MAGI1: variants seen among roughly 807,000 people sequenced by gnomAD.
MAGI1 encodes the protein membrane-associated guanylate kinase, WW and PDZ domain-containing protein 1.
Under a neutral mutation model 139.9 loss-of-function variants are expected in MAGI1, and 58 were observed. That is an observed-to-expected ratio of 0.41 (90% CI 0.34 to 0.52). The LOEUF (loss-of-function observed/expected upper bound fraction) is 0.52. Among genes scored for constraint, MAGI1 ranks in the 20% least tolerant of loss-of-function variants. MAGI1 has a pLI of 0.12. For synonymous variants in MAGI1, 812 were observed against 737.9 expected, an observed-to-expected ratio of 1.10 and a Z score of -1.63; for missense variants, 1,874 against 1,901.6, an observed-to-expected ratio of 0.99 and a Z score of 0.27.
rs369025885 is a variant in MAGI1 at position 65,848,928 on chromosome 3, G to T, written c.313+189068C>A. On this transcript the variant is annotated intron_variant, in intron 1 of 22. Transcript: ENST00000402939. ...CCATGTGATTGGTTCTAGCCAGTGA[G>T]TTGTATGCAAAATGAAGCAAATCAC... Among the ~76,000 whole-genome samples, 51 of 141,730 alleles carry T rather than the reference G, an allele frequency of 3.6e-4. No individual in the cohort carries two copies. In the South Asian group the frequency reaches 0.012, roughly 34 times the overall value. 93.0% of individuals were successfully genotyped at this position (141,730 alleles called of 152,430 possible). A position where few individuals can be genotyped will look rare whatever the true frequency, so the allele number is the denominator to read the frequency against.
intron 2 of MAGI1, among the ~76,000 whole-genome samples, chr3:65,551,595 C>T (rs572893421): frequency 3.9e-5 from 6 of 152,324 alleles, no homozygotes; most frequent in Non-Finnish European, 5.9e-5. Flanking sequence ...CCACCACGCC[C>T]GGCCCACTTT....
chr3:65,660,862 G>A (rs755881149), intron 1 of MAGI1, among the ~76,000 whole-genome samples: 2 of 152,080 alleles, frequency 1.3e-5, no homozygotes, highest in Non-Finnish European at 2.9e-5. Flanking sequence ...TAATGCCAAA[G>A]GACCAATTAT....
At chr3:66,026,739 G>A (rs190087224) in intron 1 of MAGI1, among the ~76,000 whole-genome samples, 42 of 151,964 alleles carry the variant, frequency 2.8e-4, no homozygotes, top group African/African-American at 9.2e-4. Context: ...AGGAGATGGC[G>A]GCAATTAAGC....
chr3:66,038,012 G>A lies in MAGI1; in HGVS notation c.297C>T (p.Phe99=). Residue 99 remains phenylalanine, a synonymous_variant, in exon 1 of 23, where the codon TTC becomes TTT. Transcript: ENST00000402939. ...CTGCCTTACCTTGTCTGACGGCCTT[G>A]AAGGTGACGGCCTCCTTGCAGCTGT... The part of the protein sequence containing the change: ...VIDSCKEAVT[F]KAVRQGGRLN... 6.3e-7 allele frequency: 1 copy of A among 1,591,988 alleles called. No individual in the cohort carries two copies.
intron 1 of MAGI1, among the ~76,000 whole-genome samples, chr3:65,827,479 G>T (rs950932519): frequency 6.6e-6 from 1 of 152,162 alleles, no homozygotes; most frequent in Non-Finnish European, 1.5e-5. Flanking sequence ...TTAGCAAAAT[G>T]ACATAATGCC....
chr3:65,866,922 G>C (rs6445511), intron 1 of MAGI1, among the ~76,000 whole-genome samples: 24,438 of 152,142 alleles, frequency 0.16, 2,503 homozygotes, highest in East Asian at 0.34. Context: ...TCAATCAGCT[G>C]GACTGCTGCT....
intron 1 of MAGI1, among the ~76,000 whole-genome samples, chr3:65,630,713 G>C (rs988761761): frequency 6.6e-6 from 1 of 152,186 alleles, no homozygotes; most frequent in African/African-American, 2.4e-5. Flanking sequence ...TGTAGGAGGG[G>C]AGATTGAGAG....
At chr3:65,637,581 A>C (rs1224154456) in intron 1 of MAGI1, among the ~76,000 whole-genome samples, 1 of 150,810 alleles carries the variant, frequency 6.6e-6, no homozygotes. Context: ...AGAAAGAAAG[A>C]AAGAAAGAAA....
intron 1 of MAGI1, among the ~76,000 whole-genome samples, chr3:65,667,658 A>C (rs1475786705): frequency 6.6e-6 from 1 of 152,050 alleles, no homozygotes; most frequent in Non-Finnish European, 1.5e-5. Flanking sequence ...TGCAGCCTCA[A>C]CCTCCTGGGC....
chr3:65,527,655 G>A (rs1162307829), intron 2 of MAGI1, among the ~76,000 whole-genome samples: 3 of 152,166 alleles, frequency 2.0e-5, no homozygotes, highest in Non-Finnish European at 4.4e-5. Context: ...AACCCGGGGG[G>A]CAGAGCTTGC....
chr3:65,593,126 G>T (rs1452406880), intron 2 of MAGI1, among the ~76,000 whole-genome samples: 1 of 151,886 alleles, frequency 6.6e-6, no homozygotes, highest in East Asian at 2.0e-4. Flanking sequence ...TCCATAAACT[G>T]GAGTGTTAAG....
intron 1 of MAGI1, among the ~76,000 whole-genome samples, chr3:65,831,019 C>G (rs1476523789): frequency 1.8e-5 from 2 of 113,660 alleles, no homozygotes; most frequent in Non-Finnish European, 4.1e-5. Context: ...CCTCTCTGAG[C>G]TCCAATTGCT....
intron 1 of MAGI1, chr3:65,925,338 A>C (rs1246054986): frequency 6.6e-6 from 1 of 151,930 alleles, no homozygotes; most frequent in African/African-American, 2.4e-5. Flanking sequence ...TTTTTGTATT[A>C]CTTATACACA....
At chr3:65,396,419 C>G (rs1170765549) in intron 13 of MAGI1, among the ~76,000 whole-genome samples, 1 of 152,150 alleles carries the variant, frequency 6.6e-6, no homozygotes, top group African/African-American at 2.4e-5. Context: ...CTGTACCAAC[C>G]TCTCTGAAAT....
intron 1 of MAGI1, among the ~76,000 whole-genome samples, chr3:65,965,986 T>C (rs1430415): frequency 0.48 from 72,712 of 152,050 alleles, 18,398 homozygotes; most frequent in Admixed American, 0.61. Flanking sequence ...TTACTATGGG[T>C]TACTTCTCAG....
intron 1 of MAGI1, among the ~76,000 whole-genome samples, chr3:65,695,831 C>A (rs1424927842): frequency 6.6e-6 from 1 of 152,168 alleles, no homozygotes. Flanking sequence ...TGGGAAAGGC[C>A]TCTGTGGTTG....
At chr3:65,498,963 C>T (rs1369968034) in intron 2 of MAGI1, 1 of 977,772 alleles carries the variant, frequency 1.0e-6, no homozygotes, top group East Asian at 1.1e-4. Context: ...ACATCCAGTA[C>T]CATGTCCCAA....
chr3:65,613,180 C>T (rs1016514377), intron 2 of MAGI1, among the ~76,000 whole-genome samples: 5 of 152,032 alleles, frequency 3.3e-5, no homozygotes, highest in Non-Finnish European at 5.9e-5. Flanking sequence ...CTGGAGATGC[C>T]ACTACCTAAG....
intron 14 of MAGI1, among the ~76,000 whole-genome samples, chr3:65,390,057 T>C (rs1487491868): frequency 6.6e-6 from 1 of 152,140 alleles, no homozygotes. Context: ...ACTTTCAGCA[T>C]GCACCTCGGC....
Sources: gnomAD v4.1 joint callset for allele counts (sites outside exome capture counted in the v4.1 genomes callset) on GRCh38, gnomAD v4.1.1 for gene constraint, MANE v1.5 for transcripts, NCBI Gene and HGNC (gene_info 2026-07-23, HGNC 2026-07-21) for gene names.